The following ATP6V0A2 variants were observed in gnomAD, a reference collection of about 807,000 sequenced individuals.
The protein encoded by ATP6V0A2 is V-type proton ATPase 116 kDa subunit a 2.
In ATP6V0A2, 58 loss-of-function variants were observed where a neutral mutation model predicts 104.4. The observed-to-expected ratio is 0.56, with a 90% CI of 0.45 to 0.69. The LOEUF is 0.69. ATP6V0A2 is among the 30% of genes least tolerant of loss of function. ATP6V0A2 has a pLI of 0.00. For missense variants in ATP6V0A2, 938 were observed against 1,062.9 expected (o/e 0.88, Z 1.63); for synonymous variants, 376 against 397.9 (o/e 0.95, Z 0.65).
Position 123,744,671 on chromosome 12 carries a change from C to T in ATP6V0A2, c.1401C>T (p.Ile467=). The T allele has an allele frequency of 6.2e-7, 1 of 1,614,086 alleles. No homozygotes were observed. The highest frequency in any genetic ancestry group is 8.5e-7 in the Non-Finnish European group (1 of 1,180,048). ...MGLFSVYTGL[I]YNDCFSKSVN... is the part of the protein sequence containing the mutation. ...TGTTCTCAGTGTACACTGGCCTCAT[C>T]TACAACGACTGCTTTTCAAAGTCAG... Residue 467 remains isoleucine, a synonymous_variant, in exon 12 of 20, where the codon ATC becomes ATT. Transcript: ENST00000330342. This position sits in a 1 kb window ranked among gnomAD's most constrained non-coding sequence, Gnocchi z 5.4.
chr12:123,756,688 ATG>A, intron 18 of ATP6V0A2, 125 bp from the exon 19 acceptor site: 1 of 960,210 alleles, frequency 1.0e-6, no homozygotes, highest in Non-Finnish European at 1.6e-6. Context: ...TCTGTGTTAC[ATG>A]TGTGTCTATT....
chr12:123,752,698 C>T (rs1036270646), intron 17 of ATP6V0A2, among the ~76,000 whole-genome samples: 1 of 152,184 alleles, frequency 6.6e-6, no homozygotes, highest in African/African-American at 2.4e-5. Flanking sequence ...TCAGAAGCTT[C>T]TTGGGTCAGT....
chr12:123,740,202 C>T (rs1956595367), intron 9 of ATP6V0A2, among the ~76,000 whole-genome samples: 1 of 103,394 alleles, frequency 9.7e-6, no homozygotes, highest in South Asian at 3.4e-4. Context: ...CTCTCTCTCT[C>T]TCTTTTTTTT....
chr12:123,725,272 T>C (rs779242196), intron 4 of ATP6V0A2, among the ~76,000 whole-genome samples: 15 of 152,210 alleles, frequency 9.9e-5, no homozygotes, highest in Non-Finnish European at 1.9e-4. Context: ...TATTTTTCAG[T>C]TGGATTATAT....
Position 123,743,886 on chromosome 12 carries a change from G to C in ATP6V0A2, c.1140G>C (p.Gln380His). Residue 380 changes from glutamine to histidine, a missense_variant, in exon 10 of 20, where the codon CAG (glutamine) becomes CAC (histidine). Physicochemically the swap from Gln to His is conservative, Grantham distance 24. Coordinates refer to ENST00000330342, the MANE Select transcript of ATP6V0A2 (RefSeq NM_012463.4). ...IRTNKFTEGF[Q>H]NIVDAYGVGS... ...CCAACAAATTCACCGAGGGATTTCA[G>C]AACATCGTGGATGCTTATGGAGTCG... 1 of 1,614,212 alleles carries C rather than the reference G, an allele frequency of 6.2e-7. No individual in the cohort carries two copies. The highest frequency in any genetic ancestry group is 8.5e-7 in the Non-Finnish European group (1 of 1,180,042).
chr12:123,745,542 T>TA (rs1354061669), intron 13 of ATP6V0A2, among the ~76,000 whole-genome samples: 1 of 151,894 alleles, frequency 6.6e-6, no homozygotes, highest in South Asian at 2.1e-4. Flanking sequence ...CCATCTCTAC[T>TA]AAAAATACAA....
intron 1 of ATP6V0A2, among the ~76,000 whole-genome samples, chr12:123,715,819 C>G (rs1956333575): frequency 6.6e-6 from 1 of 152,176 alleles, no homozygotes; most frequent in South Asian, 2.1e-4. Context: ...TTGAACCACA[C>G]TGAAAACATC....
In ATP6V0A2 at chr12:123,728,653, G is replaced by A. The variant is rs79743409; in HGVS notation, c.648+744G>A. Among the ~76,000 whole-genome samples, 630 of 152,278 alleles carry A rather than the reference G, an allele frequency of 4.1e-3. 1 individual carries two copies. The highest frequency in any genetic ancestry group is 7.5e-3 in the Non-Finnish European group (510 of 68,016). ...TTTTGGTAGCGTGTCTCTGGGTTTG[G>A]GTTTCTCAGGTATCTTCTCATGAGT... is the stretch of plus-strand genomic sequence containing the variant. On this transcript the variant is annotated intron_variant, in intron 6 of 19. Transcript: ENST00000330342.
intron 5 of ATP6V0A2, among the ~76,000 whole-genome samples, chr12:123,727,292 CTT>C (rs10607481): frequency 0.65 from 95,357 of 146,772 alleles, 30,931 homozygotes; most frequent in East Asian, 0.94. Flanking sequence ...GAATTTCTCT[CTT>C]TTTTTTTTTT....
At chr12:123,747,513 G>A (rs1457236308) in intron 13 of ATP6V0A2, 94 bp from the exon 14 acceptor site, 2 of 839,092 alleles carry the variant, frequency 2.4e-6, no homozygotes, top group East Asian at 4.8e-5. Flanking sequence ...CTTAAACTTA[G>A]AGCCACCTTT....
rs751265521 is a variant in ATP6V0A2, at chr12:123,751,237, C to A, written c.2055+8C>A. 2.5e-6 allele frequency: 4 copies of A among 1,614,064 alleles called. No individual in the cohort carries two copies. The highest frequency in any genetic ancestry group is 3.4e-6 in the Non-Finnish European group (4 of 1,180,018). On this transcript the variant is annotated splice_region_variant and intron_variant, in intron 16 of 19. Transcript: ENST00000330342. ...TGCTTCGGGGTGAACCGGGTAAGTG[C>A]GGGTTTGGATGCATTTACAACTGTG... is the stretch of plus-strand genomic sequence containing the variant.
chr12:123,740,197 T>C (rs1956595233), intron 9 of ATP6V0A2, among the ~76,000 whole-genome samples: 1 of 119,106 alleles, frequency 8.4e-6, no homozygotes. Flanking sequence ...AATGTCTCTC[T>C]CTCTCTCTTT....
rs757432786 is a variant in ATP6V0A2, at chr12:123,744,944, G to A, written c.1577G>A (p.Arg526Gln). The A allele has an allele frequency of 1.9e-6, 3 of 1,614,180 alleles. No homozygotes were observed. Among genetic ancestry groups the A allele is most frequent in the Non-Finnish European group, 2.5e-6 (3 of 1,180,046 alleles). Reference protein sequence around the residue: ...QLDPSIPGVFRGPYPLGIDPI... With the variant: ...QLDPSIPGVFQGPYPLGIDPI... ...GATCCAAGCATTCCTGGAGTGTTCCGAGGCCCTTATCCCCTTGGCATTGAT... is the reference window on the plus strand; with the variant it reads ...GATCCAAGCATTCCTGGAGTGTTCCAAGGCCCTTATCCCCTTGGCATTGAT... The change falls in exon 13 of 20, where the codon CGA becomes CAA. Residue 526 changes from arginine (R) to glutamine (Q), a missense_variant. Arg to Gln is a conservative substitution (Grantham distance 43). Coordinates refer to ENST00000330342, the MANE Select transcript of ATP6V0A2 (RefSeq NM_012463.4). This position sits in a 1 kb window ranked among gnomAD's most constrained non-coding sequence, Gnocchi z 5.4.
intron 4 of ATP6V0A2, 82 bp from the exon 5 acceptor site, chr12:123,726,115 A>G (rs1956446414): frequency 5.3e-6 from 6 of 1,125,986 alleles, no homozygotes; most frequent in Non-Finnish European, 8.1e-6. Flanking sequence ...AGGATGCCCT[A>G]TAAACTTGTT....
At chr12:123,737,411 A>T in intron 9 of ATP6V0A2, 140 bp downstream of exon 9, 2 of 866,944 alleles carry the variant, frequency 2.3e-6, no homozygotes, top group Non-Finnish European at 3.7e-6. Context: ...TTTTTAAAAT[A>T]TTAATTAACA....
chr12:123,747,798 G>A (rs1327715103), intron 14 of ATP6V0A2, 73 bp downstream of exon 14: 1 of 977,870 alleles, frequency 1.0e-6, no homozygotes, highest in Non-Finnish European at 1.6e-6. Flanking sequence ...CTTCTTGTTG[G>A]TGACTGTATT....
chr12:123,747,689 T>A lies in ATP6V0A2; in HGVS notation c.1688T>A (p.Met563Lys). The change falls in exon 14 of 20, where the codon ATG becomes AAG. Residue 563 changes from methionine (M) to lysine (K), a missense_variant. Met to Lys is a moderately conservative substitution (Grantham distance 95). Transcript: ENST00000330342. Reference sequence around the variant, plus strand: ...TCCGTGATTTTAGGAATCATTCATATGACTTTTGGAGTCATTCTGGGAATA... The same window carrying A: ...TCCGTGATTTTAGGAATCATTCATAAGACTTTTGGAGTCATTCTGGGAATA... ...KMSVILGIIHMTFGVILGIFN... is the reference protein window; with the variant it reads ...KMSVILGIIHKTFGVILGIFN... The A allele has an allele frequency of 6.2e-7, 1 of 1,611,568 alleles. No homozygotes were observed. The highest frequency in any genetic ancestry group is 8.5e-7 in the Non-Finnish European group (1 of 1,177,628).
chr12:123,713,808 C>T (rs1381890301), intron 1 of ATP6V0A2, among the ~76,000 whole-genome samples: 1 of 152,132 alleles, frequency 6.6e-6, no homozygotes, highest in Admixed American at 6.6e-5. Context: ...TGACTGTTTC[C>T]CTTAATCTTC....
At chr12:123,755,550 G>A (rs945735001) in intron 18 of ATP6V0A2, among the ~76,000 whole-genome samples, 46 of 127,626 alleles carry the variant, frequency 3.6e-4, no homozygotes, top group East Asian at 9.2e-4. Context: ...AAAAAAAAAA[G>A]CTAAAAAAAA....
Sources: allele counts gnomAD v4.1 joint callset (sites outside exome capture counted in the v4.1 genomes callset), GRCh38; gene constraint gnomAD v4.1.1; non-coding constraint Gnocchi (gnomAD v3.1); transcripts MANE v1.5; gene names NCBI Gene and HGNC (gene_info 2026-07-23, HGNC 2026-07-21).